Variants in SLC2A13 observed in about 807,000 individuals in gnomAD.
SLC2A13 encodes proton myo-inositol cotransporter.
A neutral mutation model predicts 64.4 loss-of-function variants in SLC2A13; 32 were observed. The ratio of observed to expected loss-of-function variants is 0.50; its 90% CI spans 0.37 to 0.67. The LOEUF is 0.67. Among genes scored for constraint, SLC2A13 ranks in the 30% least tolerant of loss-of-function variants. The pLI, the probability that SLC2A13 is intolerant of heterozygous loss-of-function variation, is 0.00. For missense variants in SLC2A13, 743 were observed against 829.2 expected (o/e 0.90, Z 1.28); for synonymous variants, 338 against 327.1 (o/e 1.03, Z -0.36).
At chr12:40,014,596 A>G (rs1257478929) in intron 3 of SLC2A13, among the ~76,000 whole-genome samples, 1 of 152,070 alleles carries the variant, frequency 6.6e-6, no homozygotes, top group Non-Finnish European at 1.5e-5. Flanking sequence ...GGTTCAAGCA[A>G]TTCTCCTGCC....
intron 4 of SLC2A13, among the ~76,000 whole-genome samples, chr12:39,911,277 C>T (rs948583980): frequency 2.6e-5 from 4 of 151,992 alleles, no homozygotes; most frequent in Non-Finnish European, 5.9e-5. Flanking sequence ...AAAATTAATA[C>T]CCACGCTTTG....
intron 7 of SLC2A13, among the ~76,000 whole-genome samples, chr12:39,826,711 T>A (rs1358423151): frequency 7.3e-6 from 1 of 136,494 alleles, no homozygotes; most frequent in Non-Finnish European, 1.5e-5. Flanking sequence ...CTTCCCAAGT[T>A]TTTTTTTTGC....
At chr12:39,770,524 C>T (rs923128282) in intron 7 of SLC2A13, among the ~76,000 whole-genome samples, 10 of 152,108 alleles carry the variant, frequency 6.6e-5, no homozygotes, top group African/African-American at 2.2e-4. Flanking sequence ...ATTTGTAGAA[C>T]CTTGAGTTTA....
chr12:40,040,411 GA>G (rs1244503291), intron 2 of SLC2A13, among the ~76,000 whole-genome samples: 4 of 152,162 alleles, frequency 2.6e-5, no homozygotes, highest in Non-Finnish European at 4.4e-5. Flanking sequence ...GGGTTGTTTT[GA>G]AAAAGGGTCT....
At chr12:40,083,023 T>C (rs1938465714) in intron 1 of SLC2A13, among the ~76,000 whole-genome samples, 1 of 152,202 alleles carries the variant, frequency 6.6e-6, no homozygotes, top group African/African-American at 2.4e-5. Flanking sequence ...GGTTTCTCAG[T>C]GGGAGAAGTT....
chr12:39,944,625 C>T (rs1019381309), intron 4 of SLC2A13, among the ~76,000 whole-genome samples: 3 of 152,196 alleles, frequency 2.0e-5, no homozygotes, highest in African/African-American at 7.2e-5. Flanking sequence ...ACTGCTATTG[C>T]TTTAAAGTTT....
intron 4 of SLC2A13, among the ~76,000 whole-genome samples, chr12:39,913,237 A>C (rs1945459910): frequency 6.6e-6 from 1 of 152,124 alleles, no homozygotes; most frequent in Non-Finnish European, 1.5e-5. Flanking sequence ...AGGGGAAGAC[A>C]GATTAACTTT....
chr12:40,038,100 C>G (rs1208566924), intron 2 of SLC2A13, among the ~76,000 whole-genome samples: 1 of 152,126 alleles, frequency 6.6e-6, no homozygotes, highest in Non-Finnish European at 1.5e-5. Context: ...TGACTTTAAA[C>G]CTTTCCTCTT....
At chr12:39,796,904 G>A (rs1056442157) in intron 7 of SLC2A13, among the ~76,000 whole-genome samples, 1 of 152,124 alleles carries the variant, frequency 6.6e-6, no homozygotes, top group African/African-American at 2.4e-5. Context: ...ATTTCTAGAA[G>A]TGAAGCTGCT....
At chr12:39,806,102 T>C (rs113654754) in intron 7 of SLC2A13, among the ~76,000 whole-genome samples, 1 of 152,200 alleles carries the variant, frequency 6.6e-6, no homozygotes, top group South Asian at 2.1e-4. Flanking sequence ...CAAAATCAAT[T>C]TGTATACAAA....
intron 4 of SLC2A13, among the ~76,000 whole-genome samples, chr12:39,893,412 G>A (rs1944664007): frequency 6.6e-6 from 1 of 152,156 alleles, no homozygotes; most frequent in African/African-American, 2.4e-5. Flanking sequence ...CAATTCTCCT[G>A]CCTCAGCCTC....
intron 7 of SLC2A13, among the ~76,000 whole-genome samples, chr12:39,809,126 G>A (rs1012473774): frequency 6.6e-6 from 1 of 152,042 alleles, no homozygotes; most frequent in South Asian, 2.1e-4. Flanking sequence ...ACCTTCACCC[G>A]CAATGTAGAT....
At chr12:39,956,628 A>G (rs1255545202) in intron 3 of SLC2A13, among the ~76,000 whole-genome samples, 1 of 152,158 alleles carries the variant, frequency 6.6e-6, no homozygotes, top group African/African-American at 2.4e-5. Context: ...TATTAGAAAC[A>G]ACAATGTTTG....
At chr12:40,084,981 A>C (rs2624246) in intron 1 of SLC2A13, among the ~76,000 whole-genome samples, 152,134 of 152,344 alleles carry the variant, frequency 1, 75,963 homozygotes, top group Non-Finnish European at 1. Context: ...TTAAGTTGGT[A>C]ACCAGTCGCC....
intron 3 of SLC2A13, among the ~76,000 whole-genome samples, chr12:39,959,187 C>T (rs1311542406): frequency 3.9e-5 from 6 of 152,208 alleles, no homozygotes; most frequent in Non-Finnish European, 7.3e-5. Flanking sequence ...AGCACACCCA[C>T]GCTGTTTTCC....
chr12:39,898,917 GA>G (rs975538288), intron 4 of SLC2A13, among the ~76,000 whole-genome samples: 2 of 152,130 alleles, frequency 1.3e-5, no homozygotes, highest in Non-Finnish European at 2.9e-5. Flanking sequence ...AGGAGAGAAG[GA>G]AAAGAAGAGT....
intron 4 of SLC2A13, chr12:39,908,191 C>T (rs1007935108): frequency 6.6e-6 from 1 of 151,960 alleles, no homozygotes; most frequent in African/African-American, 2.4e-5. Flanking sequence ...TCTGGATACA[C>T]AAAGAGCCAT....
At chr12:40,031,489 G>A (rs1291515851) in intron 2 of SLC2A13, among the ~76,000 whole-genome samples, 1 of 152,160 alleles carries the variant, frequency 6.6e-6, no homozygotes, top group Non-Finnish European at 1.5e-5. Flanking sequence ...CCAAAGTGCT[G>A]GGATTACAGG....
chr12:39,971,043 TC>T (rs1464628887), intron 3 of SLC2A13, among the ~76,000 whole-genome samples: 1 of 152,186 alleles, frequency 6.6e-6, no homozygotes, highest in Admixed American at 6.5e-5. Flanking sequence ...TTTTAGCTCT[TC>T]CCCTAGTGTT....
Sources: allele counts gnomAD v4.1 joint callset (sites outside exome capture counted in the v4.1 genomes callset), GRCh38; gene constraint gnomAD v4.1.1; transcripts MANE v1.5; gene names NCBI Gene and HGNC (gene_info 2026-07-23, HGNC 2026-07-21).